The following C4BPA variants were observed in gnomAD, a reference collection of about 807,000 sequenced individuals.
C4BPA encodes the protein complement component 4 binding protein alpha.
In C4BPA, 31 loss-of-function variants were observed where a neutral mutation model predicts 63.7. The observed-to-expected ratio is 0.49, with a 90% CI of 0.37 to 0.66. The LOEUF (loss-of-function observed/expected upper bound fraction) is 0.66, where lower values mean the gene tolerates loss of function less well. Among genes scored for constraint, C4BPA ranks in the 30% least tolerant of loss-of-function variants. The probability of loss-of-function intolerance (pLI) is 0.00; values close to 1 mark genes in which losing one functional copy is unlikely to be tolerated. For missense variants in C4BPA, 572 were observed against 723.3 expected (o/e 0.79, Z 2.40); for synonymous variants, 259 against 254.7 (o/e 1.02, Z -0.16).
Position 207,134,349 on chromosome 1 carries a change from A to G in C4BPA, c.1085-55A>G, listed in dbSNP as rs1179986638. On this transcript the variant is annotated intron_variant, in intron 8 of 11. Coordinates refer to ENST00000367070, the MANE Select transcript of C4BPA (RefSeq NM_000715.4). Reference sequence around the variant, plus strand: ...AGATGGAAATGAGGTTGTTAGCCATAGAAGCTTCCTCATGGTGATTTTACT... The same window carrying G: ...AGATGGAAATGAGGTTGTTAGCCATGGAAGCTTCCTCATGGTGATTTTACT... 3.8e-6 allele frequency: 5 copies of G among 1,307,126 alleles called. No homozygotes were observed. The East Asian group carries it at 1.2e-4, about 30-fold the overall frequency. 81.0% of individuals were successfully genotyped at this position (1,307,126 alleles called of 1,614,324 possible). A position where few individuals can be genotyped will look rare whatever the true frequency, so the allele number is the denominator to read the frequency against.
intron 1 of C4BPA, among the ~76,000 whole-genome samples, chr1:207,105,048 C>T (rs1182485457): frequency 6.6e-6 from 1 of 152,170 alleles, no homozygotes; most frequent in Non-Finnish European, 1.5e-5. Flanking sequence ...TTCTCTTCTT[C>T]CTTGGTTGGC....
intron 8 of C4BPA, among the ~76,000 whole-genome samples, 193 bp downstream of exon 8, chr1:207,131,933 T>C (rs1162512003): frequency 6.6e-6 from 1 of 152,194 alleles, no homozygotes; most frequent in Non-Finnish European, 1.5e-5. Context: ...AATTGTAACC[T>C]TTCCTTATCC....
Position 207,141,102 on chromosome 1 carries a change from C to T in C4BPA, c.1274-4C>T, listed in dbSNP as rs1685404601. ...CTCTCTCACTTTTTTGTCTCTCCCT[C>T]AAGTTTGCAATTTTCCTCCTAAAAT... On this transcript the variant is annotated splice_region_variant and splice_polypyrimidine_tract_variant and intron_variant, in intron 9 of 11. Coordinates refer to ENST00000367070, the MANE Select transcript of C4BPA (RefSeq NM_000715.4). 1.2e-6 allele frequency: 2 copies of T among 1,608,620 alleles called. No individual in the cohort carries two copies. Among genetic ancestry groups the T allele is most frequent in the Admixed American group, 1.7e-5 (1 of 59,358 alleles).
At chr1:207,106,746 T>A (rs768066776) in intron 1 of C4BPA, among the ~76,000 whole-genome samples, 8 of 152,210 alleles carry the variant, frequency 5.3e-5, no homozygotes, top group Non-Finnish European at 8.8e-5. Context: ...CGGCCTCCTC[T>A]GTGTAAGTTT....
chr1:207,109,641 G>T (rs1342008025), intron 1 of C4BPA, among the ~76,000 whole-genome samples: 1 of 152,200 alleles, frequency 6.6e-6, no homozygotes, highest in Admixed American at 6.5e-5. Context: ...TGTGGCCATG[G>T]CCTAGGTGTG....
chr1:207,137,332 C>T (rs1484174591), intron 9 of C4BPA, among the ~76,000 whole-genome samples: 2 of 152,196 alleles, frequency 1.3e-5, no homozygotes, highest in Non-Finnish European at 2.9e-5. Flanking sequence ...GACGCGCCTG[C>T]GACAGCCTCA....
At chr1:207,132,378 C>T (rs965296344) in intron 8 of C4BPA, among the ~76,000 whole-genome samples, 1 of 152,250 alleles carries the variant, frequency 6.6e-6, no homozygotes, top group South Asian at 2.1e-4. Flanking sequence ...GTGGAACAGA[C>T]AAGAGAGGAA....
intron 9 of C4BPA, among the ~76,000 whole-genome samples, chr1:207,136,625 C>T (rs1331810362): frequency 1.3e-5 from 2 of 152,184 alleles, no homozygotes; most frequent in Non-Finnish European, 2.9e-5. Flanking sequence ...TCTTTCAGGA[C>T]TGACCTTGAT....
chr1:207,134,338 T>C, intron 8 of C4BPA, 66 bp from the exon 9 acceptor site: 1 of 1,155,636 alleles, frequency 8.7e-7, no homozygotes, highest in East Asian at 2.4e-5. Context: ...GGAAATGAGG[T>C]TGTTAGCCAT....
At chr1:207,122,336 G>A (rs1341073048) in intron 4 of C4BPA, among the ~76,000 whole-genome samples, 3 of 152,142 alleles carry the variant, frequency 2.0e-5, no homozygotes, top group Non-Finnish European at 4.4e-5. Context: ...TTTCTTGGAT[G>A]TCTTATAGGT....
At chr1:207,113,830 T>C (rs1684721227) in intron 2 of C4BPA, among the ~76,000 whole-genome samples, 1 of 152,144 alleles carries the variant, frequency 6.6e-6, no homozygotes, top group Admixed American at 6.5e-5. Context: ...AGATAAATTA[T>C]CCCATATGTA....
At chr1:207,107,262 TC>T (rs1684580351) in intron 1 of C4BPA, among the ~76,000 whole-genome samples, 1 of 152,116 alleles carries the variant, frequency 6.6e-6, no homozygotes, top group Non-Finnish European at 1.5e-5. Flanking sequence ...TTTAAAAAAA[TC>T]CTGGCTTTGT....
intron 9 of C4BPA, among the ~76,000 whole-genome samples, chr1:207,136,572 A>G (rs556524302): frequency 6.6e-6 from 1 of 152,260 alleles, no homozygotes; most frequent in African/African-American, 2.4e-5. Flanking sequence ...TGGGTGCACC[A>G]TCTATAGCAC....
At chr1:207,114,386 T>G (rs772453050) in intron 3 of C4BPA, 101 bp downstream of exon 3, 2 of 884,390 alleles carry the variant, frequency 2.3e-6, no homozygotes, top group South Asian at 1.7e-5. Flanking sequence ...GAAGACAGTT[T>G]GTCAATTACT....
At chr1:207,106,624 G>A (rs879931848) in intron 1 of C4BPA, among the ~76,000 whole-genome samples, 3 of 149,394 alleles carry the variant, frequency 2.0e-5, no homozygotes, top group Non-Finnish European at 4.4e-5. Flanking sequence ...TGTCTTTTTA[G>A]TAGAGACAGG....
At chr1:207,133,260 T>C (rs1272732362) in intron 8 of C4BPA, among the ~76,000 whole-genome samples, 1 of 152,214 alleles carries the variant, frequency 6.6e-6, no homozygotes, top group Non-Finnish European at 1.5e-5. Context: ...ATTTTTATTA[T>C]AATTCCTAAA....
Position 207,124,374 on chromosome 1 carries a change from A to C in C4BPA, c.706+8A>C, listed in dbSNP as rs764620715. On this transcript the variant is annotated splice_region_variant and intron_variant, in intron 6 of 11. Coordinates refer to ENST00000367070, the MANE Select transcript of C4BPA (RefSeq NM_000715.4). ...GCCCTCCTACCTGTGAAAGTAAGTC[A>C]TAATGATGAATTCTGCATCAAAATG... 6.3e-7 allele frequency: 1 copy of C among 1,585,732 alleles called. No individual in the cohort carries two copies. Among genetic ancestry groups the C allele is most frequent in the South Asian group, 1.1e-5 (1 of 90,204 alleles).
Position 207,114,207 on chromosome 1 carries a change from G to C in C4BPA, c.250G>C (p.Gly84Arg). The change falls in exon 3 of 12, where the codon GGC becomes CGC. Residue 84 changes from glycine (G) to arginine (R), a missense_variant. By Grantham distance (125) the Gly-to-Arg change is moderately radical. Around this residue, in one of 2 missense-constraint regions of C4BPA, gnomAD observed 465 missense variants for 629.4 expected, o/e 0.74. Coordinates refer to ENST00000367070, the MANE Select transcript of C4BPA (RefSeq NM_000715.4). Reference protein sequence around the residue: ...GTTLKYTCLPGYVRSHSTQTL... With the variant: ...GTTLKYTCLPRYVRSHSTQTL... ...TACTCTGAAATACACCTGCCTCCCTGGCTACGTCAGATCCCATTCAACTCA... is the reference window on the plus strand; with the variant it reads ...TACTCTGAAATACACCTGCCTCCCTCGCTACGTCAGATCCCATTCAACTCA... The C allele has an allele frequency of 3.1e-6, 5 of 1,613,598 alleles. No homozygotes were observed. The highest frequency in any genetic ancestry group is 4.2e-6 in the Non-Finnish European group (5 of 1,179,736).
At chr1:207,140,551 G>A (rs950750107) in intron 9 of C4BPA, among the ~76,000 whole-genome samples, 9 of 148,856 alleles carry the variant, frequency 6.0e-5, no homozygotes, top group African/African-American at 2.2e-4. Context: ...ACCTGATAGT[G>A]TTCCCTTTCA....
Sources: allele counts gnomAD v4.1 joint callset (sites outside exome capture counted in the v4.1 genomes callset), GRCh38; gene constraint gnomAD v4.1.1; regional missense constraint gnomAD v4.1.1; transcripts MANE v1.5; gene names NCBI Gene and HGNC (gene_info 2026-07-23, HGNC 2026-07-21).